DNAH9: variants seen among roughly 807,000 people sequenced by gnomAD.
DNAH9 encodes the protein dynein axonemal heavy chain 9, also known as DNAH9 variant protein.
In DNAH9, 345 loss-of-function variants were observed where a neutral mutation model predicts 471.6. That is an observed-to-expected ratio of 0.73 (90% CI 0.67 to 0.80). The LOEUF (loss-of-function observed/expected upper bound fraction) is 0.80, where lower values mean the gene tolerates loss of function less well. Among genes scored for constraint, DNAH9 ranks in the 30% least tolerant of loss-of-function variants. DNAH9 has a pLI of 0.00. For missense variants in DNAH9, 5,407 were observed against 5,609.2 expected (o/e 0.96, Z 1.15); for synonymous variants, 2,093 against 2,123.6 (o/e 0.99, Z 0.40).
chr17:11,819,773 A>C (rs1970246005), intron 45 of DNAH9, among the ~76,000 whole-genome samples: 1 of 152,246 alleles, frequency 6.6e-6, no homozygotes, highest in African/African-American at 2.4e-5. Flanking sequence ...CTCCTTATGA[A>C]GCTATCTTAG....
At chr17:11,821,830 C>T in intron 45 of DNAH9, 90 bp from the exon 46 acceptor site, 6 of 1,452,894 alleles carry the variant, frequency 4.1e-6, no homozygotes, top group Non-Finnish European at 5.6e-6. Context: ...AACCACTGAC[C>T]TGTGTCCTAA....
At chr17:11,964,062 T>C (rs1441452949) in intron 68 of DNAH9, among the ~76,000 whole-genome samples, 2 of 152,224 alleles carry the variant, frequency 1.3e-5, no homozygotes, top group African/African-American at 2.4e-5. Context: ...TGAGATAATA[T>C]GTTGTTTCAA....
chr17:11,881,628 G>C (rs553865125), intron 55 of DNAH9, among the ~76,000 whole-genome samples: 1 of 152,164 alleles, frequency 6.6e-6, no homozygotes, highest in African/African-American at 2.4e-5. Context: ...CAGTTTGAAG[G>C]CCGGGCATGG....
At chr17:11,610,339 C>T in intron 2 of DNAH9, 57 bp from the exon 3 acceptor site, 1 of 1,449,152 alleles carries the variant, frequency 6.9e-7, no homozygotes. Flanking sequence ...GGGTTATTTT[C>T]ACGCCTCAGG....
At chr17:11,719,927 A>G (rs764215639) in intron 27 of DNAH9, among the ~76,000 whole-genome samples, 1 of 152,244 alleles carries the variant, frequency 6.6e-6, no homozygotes, top group Non-Finnish European at 1.5e-5. Context: ...GCTCTTCTGT[A>G]GAAGTGGACA....
chr17:11,600,080 A>T (rs4141189), intron 1 of DNAH9, among the ~76,000 whole-genome samples: 62,959 of 151,750 alleles, frequency 0.41, 13,539 homozygotes, highest in South Asian at 0.68. Flanking sequence ...GGTTGGATAG[A>T]TAGAGGAGGA....
At chr17:11,901,986 T>C (rs1340359053) in intron 59 of DNAH9, among the ~76,000 whole-genome samples, 1 of 152,170 alleles carries the variant, frequency 6.6e-6, no homozygotes, top group Non-Finnish European at 1.5e-5. Context: ...CCTTAACATA[T>C]AACAATCGTG....
chr17:11,967,891 T>C (rs549105359), intron 68 of DNAH9, among the ~76,000 whole-genome samples: 1 of 152,172 alleles, frequency 6.6e-6, no homozygotes, highest in East Asian at 1.9e-4. Flanking sequence ...AAAGGACATT[T>C]TATGAGAATA....
At chr17:11,710,189 A>G (rs934666466) in intron 26 of DNAH9, among the ~76,000 whole-genome samples, 4 of 152,138 alleles carry the variant, frequency 2.6e-5, no homozygotes, top group Admixed American at 2.6e-4. Context: ...TATTATGTAT[A>G]TTCTCTAAAT....
intron 27 of DNAH9, among the ~76,000 whole-genome samples, chr17:11,719,982 C>T (rs927412975): frequency 2.6e-5 from 4 of 152,118 alleles, no homozygotes; most frequent in African/African-American, 9.7e-5. Flanking sequence ...CAAGGGCAGG[C>T]GTGATTTCTG....
chr17:11,643,268 C>T (rs1350024935), intron 10 of DNAH9, among the ~76,000 whole-genome samples: 3 of 152,200 alleles, frequency 2.0e-5, no homozygotes, highest in Non-Finnish European at 4.4e-5. Context: ...TGTGTTTACA[C>T]ATGTTATATG....
At chr17:11,931,947 C>T in intron 63 of DNAH9, 67 bp from the exon 64 acceptor site, 1 of 1,558,146 alleles carries the variant, frequency 6.4e-7, no homozygotes, top group Non-Finnish European at 8.8e-7. Flanking sequence ...TGATTGTAAC[C>T]TCACCCTAGC....
Position 11,752,840 on chromosome 17 carries a change from C to CTCT in DNAH9, c.6621_6623dup (p.Ser2208dup). The CTCT allele has an allele frequency of 6.9e-6, 11 of 1,587,554 alleles. No individual in the cohort carries two copies. Among genetic ancestry groups the CTCT allele is most frequent in the Non-Finnish European group, 9.4e-6 (11 of 1,169,834 alleles). On this transcript the variant is annotated inframe_insertion, in exon 33 of 69. Transcript: ENST00000262442. ...GTCAGTGGTTCCTTTTAGGATTGTT[C>CTCT]TCTTCCATCATGCGGGAGCTTGCCA...
chr17:11,652,861 G>T lies in DNAH9; in HGVS notation c.2454G>T (p.Met818Ile). ...ATGTGGAAGAGATCCAAAACATCAT[G>T]AAAACATGGGTGACTCCAATATTTA... Reference protein sequence around the residue: ...KDNVEEIQNIMKTWVTPIFKT... With the variant: ...KDNVEEIQNIIKTWVTPIFKT... Residue 818 changes from methionine to isoleucine, a missense_variant, in exon 14 of 69, where the codon ATG becomes ATT. Physicochemically the swap from Met to Ile is conservative, Grantham distance 10 (BLOSUM62 1). Transcript: ENST00000262442. 6.2e-7 allele frequency: 1 copy of T among 1,614,048 alleles called. No individual in the cohort carries two copies. Among genetic ancestry groups the T allele is most frequent in the Non-Finnish European group, 8.5e-7 (1 of 1,179,946 alleles).
chr17:11,876,746 G>A (rs1972501860), intron 53 of DNAH9, among the ~76,000 whole-genome samples: 1 of 152,108 alleles, frequency 6.6e-6, no homozygotes, highest in Admixed American at 6.5e-5. Flanking sequence ...TTGAGACGGA[G>A]TCTCACTCTG....
chr17:11,944,596 C>T (rs546156653), intron 67 of DNAH9, among the ~76,000 whole-genome samples: 1 of 152,164 alleles, frequency 6.6e-6, no homozygotes, highest in Non-Finnish European at 1.5e-5. Context: ...GTAGCTGGGA[C>T]CTTTGTCTAC....
intron 67 of DNAH9, among the ~76,000 whole-genome samples, chr17:11,946,785 T>C (rs1033171233): frequency 1.4e-5 from 2 of 146,874 alleles, no homozygotes; most frequent in South Asian, 2.2e-4. Context: ...TAAAATAAAA[T>C]ATTCCAGGGC....
intron 56 of DNAH9, 122 bp downstream of exon 56, chr17:11,883,872 G>C: frequency 8.9e-7 from 1 of 1,117,540 alleles, no homozygotes. Context: ...TGGCTTTTCT[G>C]TCTTAGCAAG....
At chr17:11,960,435 T>TAAAAAAAAAAAAAAAAAAAAAA (rs3074845) in intron 67 of DNAH9, among the ~76,000 whole-genome samples, 27 of 54,038 alleles carry the variant, frequency 5.0e-4, no homozygotes, top group East Asian at 6.2e-4. Flanking sequence ...GACTCTGTCT[T>TAAAAAAAAAAAAAAAAAAAAAA]AAAAAAAAAA....
Sources: gnomAD v4.1 joint callset for allele counts (sites outside exome capture counted in the v4.1 genomes callset) on GRCh38, gnomAD v4.1.1 for gene constraint, MANE v1.5 for transcripts, NCBI Gene and HGNC (gene_info 2026-07-23, HGNC 2026-07-21) for gene names.